The following VAMP7 variants were observed in gnomAD, a reference collection of about 807,000 sequenced individuals.
VAMP7 encodes vesicle-associated membrane protein 7.
VAMP7 carries 14 observed loss-of-function variants against 29.6 expected under a neutral mutation model. That is an observed-to-expected ratio of 0.47 (90% CI 0.31 to 0.74). The LOEUF is 0.74. Among genes scored for constraint, VAMP7 ranks in the 30% least tolerant of loss-of-function variants. VAMP7 has a pLI of 0.05. For missense variants in VAMP7, 223 were observed against 262.4 expected (o/e 0.85, Z 1.04); for synonymous variants, 95 against 88.1 (o/e 1.08, Z -0.44).
chrX:155,918,669 C>T lies in VAMP7; in HGVS notation c.434-1144C>T, dbSNP rs946124506. On this transcript the variant is annotated intron_variant, in intron 5 of 7. Coordinates refer to ENST00000286448, the MANE Select transcript of VAMP7 (RefSeq NM_005638.6). ...TCTAACCAGTCCCAATGAGATGAGC[C>T]GGGTACCTCAGTTGGAAATGCAGAA... Among the ~76,000 whole-genome samples, 20 of 152,228 alleles carry T rather than the reference C, an allele frequency of 1.3e-4. No individual in the cohort carries two copies. The East Asian group carries it at 1.7e-3, about 13-fold the overall frequency.
At position 155,920,503 on chromosome X, in the gene VAMP7, A is replaced by G. The variant is rs745631712; in HGVS notation, c.501+623A>G. ...ATCAGCTACAATTTGGGTCTACACA[A>G]TTATAAATGTAAATGTACAGTGCAG... On this transcript the variant is annotated intron_variant, in intron 6 of 7. Coordinates refer to ENST00000286448, the MANE Select transcript of VAMP7 (RefSeq NM_005638.6). 3.3e-5 allele frequency among the ~76,000 whole-genome samples: 5 copies of G among 152,306 alleles called. No individual in the cohort carries two copies. The East Asian group carries it at 7.7e-4, about 24-fold the overall frequency.
chrX:155,895,768 C>A, intron 3 of VAMP7, 88 bp downstream of exon 3: 1 of 1,148,908 alleles, frequency 8.7e-7, no homozygotes, highest in South Asian at 1.3e-5. Flanking sequence ...GGTCCCCAAC[C>A]CCCAGGCTGC....
chrX:155,884,027 G>A (rs372660167), intron 1 of VAMP7, among the ~76,000 whole-genome samples: 95 of 151,250 alleles, frequency 6.3e-4, no homozygotes, highest in African/African-American at 2.2e-3. Context: ...ACACATCTTT[G>A]AGTATTACTT....
chrX:155,903,993 G>C (rs958264647), intron 5 of VAMP7, among the ~76,000 whole-genome samples: 88 of 151,946 alleles, frequency 5.8e-4, no homozygotes, highest in Non-Finnish European at 9.3e-4. Context: ...AAGAAAATGT[G>C]GCACATATAC....
chrX:155,887,660 G>A (rs2124224682), intron 1 of VAMP7, among the ~76,000 whole-genome samples: 1 of 152,230 alleles, frequency 6.6e-6, no homozygotes, highest in South Asian at 2.1e-4. Flanking sequence ...CAGGTACGGT[G>A]GCTCATGCCT....
rs575185511 is a variant in VAMP7, at chrX:155,904,716, C to T, written c.433+4129C>T. Among the ~76,000 whole-genome samples, 32 of 151,920 alleles carry T rather than the reference C, an allele frequency of 2.1e-4. No homozygotes were observed. The South Asian group carries it at 4.8e-3, about 23-fold the overall frequency. On this transcript the variant is annotated intron_variant, in intron 5 of 7. Transcript: ENST00000286448. ...GCCTTTTGTGTCTTCGTTCACTTAG[C>T]GTAATGATTGTGAGATTCATTCATG...
At chrX:155,885,155 A>G (rs1185439400) in intron 1 of VAMP7, among the ~76,000 whole-genome samples, 1 of 152,204 alleles carries the variant, frequency 6.6e-6, no homozygotes, top group African/African-American at 2.4e-5. Context: ...ATTCCCTTAT[A>G]GCATATCTTT....
chrX:155,924,171 CTATT>C (rs2066436253), intron 6 of VAMP7, among the ~76,000 whole-genome samples: 1 of 152,078 alleles, frequency 6.6e-6, no homozygotes, highest in Non-Finnish European at 1.5e-5. Flanking sequence ...TTAACCATCT[CTATT>C]TGTTTTTTAA....
At chrX:155,881,670 C>G (rs1465149923) in intron 1 of VAMP7, among the ~76,000 whole-genome samples, 2 of 152,088 alleles carry the variant, frequency 1.3e-5, no homozygotes, top group Non-Finnish European at 2.9e-5. Flanking sequence ...GAATGCGTCA[C>G]TTAAGCTGTC....
intron 2 of VAMP7, among the ~76,000 whole-genome samples, chrX:155,891,493 T>C (rs2065925129): frequency 6.6e-6 from 1 of 152,154 alleles, no homozygotes. Context: ...TCATATGTTT[T>C]CCCTGCTTTC....
At chrX:155,915,055 A>T (rs1199153249) in intron 5 of VAMP7, among the ~76,000 whole-genome samples, 1 of 152,064 alleles carries the variant, frequency 6.6e-6, no homozygotes, top group Non-Finnish European at 1.5e-5. Flanking sequence ...TTATTGTTGT[A>T]TTCAGGGATT....
chrX:155,882,501 GTA>G (rs1394506123), intron 1 of VAMP7, among the ~76,000 whole-genome samples: 2 of 152,114 alleles, frequency 1.3e-5, no homozygotes, highest in African/African-American at 2.4e-5. Flanking sequence ...ATGACTTTTC[GTA>G]AACACCTCTT....
chrX:155,936,336 G>A (rs914570409), intron 6 of VAMP7, among the ~76,000 whole-genome samples: 3 of 152,192 alleles, frequency 2.0e-5, no homozygotes, highest in Non-Finnish European at 4.4e-5. Flanking sequence ...TTGAGCTGTG[G>A]TGGGCTCCAC....
rs539288678 is a variant in VAMP7 at position 155,936,779 on chromosome X, C to T, written c.502-2922C>T. Among the ~76,000 whole-genome samples the T allele has an allele frequency of 1.1e-3, 167 of 152,288 alleles. 1 individual carries two copies. The highest frequency in any genetic ancestry group is 3.7e-3 in the African/African-American group (154 of 41,564). On this transcript the variant is annotated intron_variant, in intron 6 of 7. Transcript: ENST00000286448. ...AATCATCCGTCTTGTGCGTTGCTCACGCTGGGGGCTGTAGACTGGAGCTGT... is the reference window on the plus strand; with the variant it reads ...AATCATCCGTCTTGTGCGTTGCTCATGCTGGGGGCTGTAGACTGGAGCTGT...
At chrX:155,899,527 A>G (rs1461762317) in intron 4 of VAMP7, among the ~76,000 whole-genome samples, 2 of 134,654 alleles carry the variant, frequency 1.5e-5, no homozygotes, top group African/African-American at 5.7e-5. Flanking sequence ...TGAGTATTAC[A>G]TTTCTAAATT....
chrX:155,900,690 C>T, intron 5 of VAMP7, 103 bp downstream of exon 5: 1 of 938,950 alleles, frequency 1.1e-6, no homozygotes, highest in Admixed American at 2.5e-5. Flanking sequence ...CTTCCTTATT[C>T]TTACCATTGG....
At chrX:155,930,882 C>T (rs899343783) in intron 6 of VAMP7, among the ~76,000 whole-genome samples, 2 of 151,854 alleles carry the variant, frequency 1.3e-5, no homozygotes, top group African/African-American at 2.4e-5. Flanking sequence ...CACAACAGGC[C>T]CCGGTGTGTG....
chrX:155,891,701 A>G (rs2065927108), intron 2 of VAMP7, among the ~76,000 whole-genome samples: 1 of 152,190 alleles, frequency 6.6e-6, no homozygotes, highest in African/African-American at 2.4e-5. Context: ...GCTTTCTTGG[A>G]GGAACTCCCT....
In VAMP7 at chrX:155,909,143, C is replaced by A. The variant is rs1288616559; in HGVS notation, c.433+8556C>A. On this transcript the variant is annotated intron_variant, in intron 5 of 7. Coordinates refer to ENST00000286448, the MANE Select transcript of VAMP7 (RefSeq NM_005638.6). ...TGCCCGGCCTGAAGTTTTAAAATTA[C>A]TGATTTAGTCTCTATGCTTGCTGTA... 2.0e-5 allele frequency among the ~76,000 whole-genome samples: 3 copies of A among 152,136 alleles called. No homozygotes were observed. The East Asian group carries it at 5.8e-4, about 29-fold the overall frequency.
Sources: allele counts gnomAD v4.1 joint callset (sites outside exome capture counted in the v4.1 genomes callset), GRCh38; gene constraint gnomAD v4.1.1; transcripts MANE v1.5; gene names NCBI Gene and HGNC (gene_info 2026-07-23, HGNC 2026-07-21).